Variants in SYCP2L observed in about 807,000 individuals in gnomAD.
SYCP2L encodes the protein synaptonemal complex protein 2-like.
Under a neutral mutation model 125.8 loss-of-function variants are expected in SYCP2L, and 98 were observed. The ratio of observed to expected loss-of-function variants is 0.78; its 90% CI spans 0.66 to 0.92. The LOEUF is 0.92. SYCP2L is among the 40% of genes least tolerant of loss of function. SYCP2L has a pLI of 0.00. For synonymous variants in SYCP2L, 317 were observed against 325.4 expected, an observed-to-expected ratio of 0.97 and a Z score of 0.28; for missense variants, 842 against 936.4, an observed-to-expected ratio of 0.90 and a Z score of 1.32.
At chr6:10,948,420 G>A (rs1422920275) in intron 23 of SYCP2L, among the ~76,000 whole-genome samples, 1 of 152,092 alleles carries the variant, frequency 6.6e-6, no homozygotes, top group African/African-American at 2.4e-5. Flanking sequence ...ATGCTGCATA[G>A]TTTTACTTAT....
chr6:10,927,735 C>G (rs564176023), intron 17 of SYCP2L, among the ~76,000 whole-genome samples: 21 of 152,210 alleles, frequency 1.4e-4, no homozygotes. Context: ...TTGAGAGCAA[C>G]CGGTCTGACC....
At chr6:10,932,898 C>T (rs553564069) in intron 20 of SYCP2L, among the ~76,000 whole-genome samples, 7 of 152,280 alleles carry the variant, frequency 4.6e-5, no homozygotes, top group African/African-American at 1.7e-4. Context: ...GGATTACAGG[C>T]GTCTGCCACC....
chr6:10,889,438 C>T (rs972977609), intron 1 of SYCP2L, among the ~76,000 whole-genome samples: 11 of 152,226 alleles, frequency 7.2e-5, no homozygotes, highest in African/African-American at 2.4e-4. Flanking sequence ...AAAATCTACT[C>T]GTATAGCTAT....
At chr6:10,961,464 G>C (rs1429315871) in intron 27 of SYCP2L, 36 bp from the exon 28 acceptor site, 1 of 1,613,376 alleles carries the variant, frequency 6.2e-7, no homozygotes, top group South Asian at 1.1e-5. Flanking sequence ...GAAAAATAAC[G>C]CTAGCTACTT....
chr6:10,914,938 G>T (rs948822590), intron 14 of SYCP2L, among the ~76,000 whole-genome samples: 6 of 152,028 alleles, frequency 3.9e-5, no homozygotes, highest in African/African-American at 1.4e-4. Flanking sequence ...TAGAGACTGG[G>T]TTTCACCATG....
chr6:10,907,892 GTTTTT>G (rs551103839), intron 10 of SYCP2L, among the ~76,000 whole-genome samples: 1 of 91,922 alleles, frequency 1.1e-5, no homozygotes, highest in Non-Finnish European at 2.0e-5. Context: ...ATACAGATAG[GTTTTT>G]TTTTTTTTTT....
chr6:10,947,977 T>C (rs1303429533), intron 23 of SYCP2L, among the ~76,000 whole-genome samples: 2 of 152,148 alleles, frequency 1.3e-5, no homozygotes, highest in Non-Finnish European at 2.9e-5. Context: ...AGTTATGAAA[T>C]GCATTTTTCT....
chr6:10,893,457 T>C (rs1302858358), intron 2 of SYCP2L, among the ~76,000 whole-genome samples: 1 of 152,242 alleles, frequency 6.6e-6, no homozygotes, highest in Non-Finnish European at 1.5e-5. Context: ...TGAGTGATCA[T>C]AGGCTTGAAA....
intron 19 of SYCP2L, among the ~76,000 whole-genome samples, chr6:10,931,210 G>A (rs1780990844): frequency 6.6e-6 from 1 of 152,204 alleles, no homozygotes; most frequent in Non-Finnish European, 1.5e-5. Context: ...GCATGTGAGG[G>A]TGACATTCAG....
chr6:10,946,090 C>T (rs1156879098), intron 23 of SYCP2L, among the ~76,000 whole-genome samples: 1 of 152,128 alleles, frequency 6.6e-6, no homozygotes, highest in African/African-American at 2.4e-5. Flanking sequence ...AGTCCATTTA[C>T]ATTTCATGTA....
chr6:10,905,807 T>C (rs573603129), intron 8 of SYCP2L, among the ~76,000 whole-genome samples: 6 of 152,344 alleles, frequency 3.9e-5, no homozygotes, highest in Non-Finnish European at 8.8e-5. Context: ...TATATAGTAG[T>C]TCTAGCATCT....
rs774265082 is a variant in SYCP2L at position 10,928,373 on chromosome 6, A to G, written c.1441-30A>G. 23 of 1,108,810 alleles carry G rather than the reference A, an allele frequency of 2.1e-5. No individual in the cohort carries two copies. In the Middle Eastern group the frequency reaches 1.1e-3, roughly 51 times the overall value. The allele number at this position is 1,108,810 out of a possible 1,614,324, so 68.7% of individuals were successfully genotyped here. ...TGGGGAACTAATAAATGTCTATGAA[A>G]TCTTCACAATCCACGTTCTTCTGCC... On this transcript the variant is annotated intron_variant, in intron 17 of 29. Coordinates refer to ENST00000283141, the MANE Select transcript of SYCP2L (RefSeq NM_001040274.3).
chr6:10,935,474 G>C (rs1356101740), intron 21 of SYCP2L, among the ~76,000 whole-genome samples: 1 of 151,882 alleles, frequency 6.6e-6, no homozygotes, highest in African/African-American at 2.4e-5. Context: ...AACATTTTTT[G>C]TAAGGTTCCA....
chr6:10,928,050 G>A (rs1581830289), intron 17 of SYCP2L, among the ~76,000 whole-genome samples: 1 of 152,250 alleles, frequency 6.6e-6, no homozygotes, highest in Non-Finnish European at 1.5e-5. Flanking sequence ...CTGTTATCCT[G>A]TTCTTTTTTC....
intron 4 of SYCP2L, 144 bp downstream of exon 4, chr6:10,894,348 C>T: frequency 8.9e-7 from 1 of 1,121,456 alleles, no homozygotes; most frequent in Non-Finnish European, 1.3e-6. Flanking sequence ...TTGCTTCTGT[C>T]TAACCAAAAA....
chr6:10,895,050 C>T (rs904887618), intron 4 of SYCP2L, among the ~76,000 whole-genome samples: 2 of 152,210 alleles, frequency 1.3e-5, no homozygotes, highest in Non-Finnish European at 2.9e-5. Context: ...CTTTCCCAGA[C>T]TCCTCTCAGG....
chr6:10,964,024 C>T (rs1781636583), intron 29 of SYCP2L, among the ~76,000 whole-genome samples, 181 bp downstream of exon 29: 1 of 148,770 alleles, frequency 6.7e-6, no homozygotes, highest in Admixed American at 6.8e-5. Context: ...GTGGCATGAT[C>T]TCGGCTCACT....
chr6:10,941,398 A>G (rs182652458), intron 21 of SYCP2L, among the ~76,000 whole-genome samples: 86 of 152,336 alleles, frequency 5.6e-4, no homozygotes, highest in East Asian at 3.3e-3. Flanking sequence ...TTTGCCATCT[A>G]CTCATCTGAC....
intron 14 of SYCP2L, among the ~76,000 whole-genome samples, chr6:10,920,655 G>A (rs1780780752): frequency 6.6e-6 from 1 of 151,814 alleles, no homozygotes; most frequent in African/African-American, 2.4e-5. Context: ...GGGTACATGT[G>A]CAGGATGTAC....
Sources: allele counts gnomAD v4.1 joint callset (sites outside exome capture counted in the v4.1 genomes callset), GRCh38; gene constraint gnomAD v4.1.1; transcripts MANE v1.5; gene names NCBI Gene and HGNC (gene_info 2026-07-23, HGNC 2026-07-21).